The following RYR3 variants were observed in gnomAD, a reference collection of about 807,000 sequenced individuals.
RYR3 encodes brain ryanodine receptor-calcium release channel.
In RYR3, 207 loss-of-function variants were observed where a neutral mutation model predicts 584.3. That is an observed-to-expected ratio of 0.35 (90% CI 0.32 to 0.40). The LOEUF (loss-of-function observed/expected upper bound fraction) is 0.40, where lower values mean the gene tolerates loss of function less well. RYR3 is among the 10% of genes least tolerant of loss of function. The probability of loss-of-function intolerance (pLI) is 1.00; values close to 1 mark genes in which losing one functional copy is unlikely to be tolerated. For synonymous variants in RYR3, 2,416 were observed against 2,248.5 expected, an observed-to-expected ratio of 1.07 and a Z score of -2.11; for missense variants, 5,616 against 6,089.2, an observed-to-expected ratio of 0.92 and a Z score of 2.59.
At chr15:33,585,967 T>C (rs748500402) in intron 15 of RYR3, 31 bp from the exon 16 acceptor site, 1 of 1,387,400 alleles carries the variant, frequency 7.2e-7, no homozygotes, top group Admixed American at 1.7e-5. Context: ...GCATTTAATG[T>C]CCAAATTTGA....
chr15:33,438,572 T>G (rs2045934698), intron 1 of RYR3, among the ~76,000 whole-genome samples: 1 of 152,198 alleles, frequency 6.6e-6, no homozygotes, highest in African/African-American at 2.4e-5. Context: ...ATCTCCCATA[T>G]AAGTTTTAGG....
At chr15:33,811,144 C>A in intron 72 of RYR3, 107 bp downstream of exon 72, 1 of 941,984 alleles carries the variant, frequency 1.1e-6, no homozygotes, top group Non-Finnish European at 1.7e-6. Flanking sequence ...GTTCCAAAAA[C>A]AGTTTGGGGG....
chr15:33,723,688 G>T (rs986688374), intron 44 of RYR3, among the ~76,000 whole-genome samples: 39 of 152,306 alleles, frequency 2.6e-4, no homozygotes, highest in Admixed American at 2.5e-3. Flanking sequence ...AGGTCATATA[G>T]CTTATTAGCA....
intron 85 of RYR3, among the ~76,000 whole-genome samples, chr15:33,828,552 A>G (rs2077494526): frequency 6.6e-6 from 1 of 152,206 alleles, no homozygotes; most frequent in Non-Finnish European, 1.5e-5. Context: ...CTCATTACTG[A>G]AATGGGGACA....
chr15:33,363,235 G>C (rs1158126584), intron 1 of RYR3, among the ~76,000 whole-genome samples: 2 of 152,242 alleles, frequency 1.3e-5, no homozygotes, highest in African/African-American at 2.4e-5. Context: ...GGCTCACTTA[G>C]CTGGTGTAAC....
chr15:33,802,113 G>C (rs757328910), intron 69 of RYR3, 152 bp downstream of exon 69: 1 of 767,098 alleles, frequency 1.3e-6, no homozygotes. Flanking sequence ...TTGAGAACGA[G>C]CCAGAAGAAA....
intron 88 of RYR3, 21 bp from the exon 89 acceptor site, chr15:33,837,610 C>G (rs776244380): frequency 2.4e-5 from 37 of 1,543,106 alleles, no homozygotes; most frequent in Non-Finnish European, 3.0e-5. Flanking sequence ...ATTTGTATGT[C>G]TTTTTGAACC....
chr15:33,464,150 A>G (rs1183641286), intron 1 of RYR3, among the ~76,000 whole-genome samples: 2 of 152,030 alleles, frequency 1.3e-5, no homozygotes, highest in Non-Finnish European at 2.9e-5. Context: ...CTGTATTGTT[A>G]GGAGGTAAAT....
At chr15:33,422,573 G>T (rs1567205379) in intron 1 of RYR3, among the ~76,000 whole-genome samples, 1 of 152,064 alleles carries the variant, frequency 6.6e-6, no homozygotes, top group Admixed American at 6.6e-5. Flanking sequence ...GATTCATTAG[G>T]CTAGATGATA....
chr15:33,331,039 T>C (rs1316487490), intron 1 of RYR3, among the ~76,000 whole-genome samples: 2 of 152,096 alleles, frequency 1.3e-5, no homozygotes, highest in African/African-American at 4.8e-5. Context: ...ACTTTGTTTG[T>C]TTGTTTGGTT....
intron 10 of RYR3, among the ~76,000 whole-genome samples, chr15:33,558,702 G>GC (rs1450186417): frequency 6.6e-6 from 1 of 152,140 alleles, no homozygotes; most frequent in Admixed American, 6.5e-5. Context: ...TTTCAATCTG[G>GC]CAGGGGGCAG....
At chr15:33,459,299 T>G (rs1201609224) in intron 1 of RYR3, among the ~76,000 whole-genome samples, 2 of 152,188 alleles carry the variant, frequency 1.3e-5, no homozygotes, top group East Asian at 3.9e-4. Flanking sequence ...TAAAAATGAG[T>G]TATATCCCTT....
In RYR3 at chr15:33,738,502, G is replaced by T; in HGVS notation, c.7568G>T (p.Gly2523Val). The change falls in exon 50 of 104, where the codon GGA (glycine) becomes GTA (valine). Residue 2523 changes from glycine (G) to valine (V), a missense_variant. Gly to Val is a moderately radical substitution (Grantham distance 109, BLOSUM62 -3). Transcript: ENST00000634891. ...QCWKYYCLPS[G>V]WGSYGLAVEE... is the part of the protein sequence containing the mutation. The stretch of plus-strand genomic sequence containing the variant: ...TGGAAGTATTACTGCCTGCCTTCAG[G>T]ATGGGGGAGCTACGGGCTAGCTGTG... 6.2e-7 allele frequency: 1 copy of T among 1,613,998 alleles called. No individual in the cohort carries two copies.
At chr15:33,526,173 G>A (rs1246482452) in intron 3 of RYR3, among the ~76,000 whole-genome samples, 6 of 152,172 alleles carry the variant, frequency 3.9e-5, no homozygotes, top group Admixed American at 1.3e-4. Flanking sequence ...CTTAGTTGCC[G>A]TATCTGGTTT....
At chr15:33,326,587 G>A (rs1023296739) in intron 1 of RYR3, among the ~76,000 whole-genome samples, 1 of 152,192 alleles carries the variant, frequency 6.6e-6, no homozygotes, top group Non-Finnish European at 1.5e-5. Flanking sequence ...TTGATAGGTT[G>A]CAAATGGAGT....
chr15:33,562,708 G>A (rs2057474667), intron 10 of RYR3, 129 bp from the exon 11 acceptor site: 3 of 643,088 alleles, frequency 4.7e-6, no homozygotes, highest in East Asian at 5.7e-5. Context: ...GGCTTGGACA[G>A]GCACATCATG....
chr15:33,358,692 A>G (rs1037387872), intron 1 of RYR3, among the ~76,000 whole-genome samples: 1 of 151,684 alleles, frequency 6.6e-6, no homozygotes, highest in Non-Finnish European at 1.5e-5. Context: ...TTTAAACTTA[A>G]TTTTAATACT....
intron 92 of RYR3, 103 bp downstream of exon 92, chr15:33,843,677 A>G: frequency 1.2e-6 from 1 of 820,534 alleles, no homozygotes; most frequent in Non-Finnish European, 1.9e-6. Context: ...ATTGTAGCAA[A>G]CATTCTAATA....
chr15:33,395,289 A>G (rs2042231994), intron 1 of RYR3, among the ~76,000 whole-genome samples: 1 of 152,250 alleles, frequency 6.6e-6, no homozygotes, highest in South Asian at 2.1e-4. Context: ...CAGTAGCCTG[A>G]TTATGGGAAG....
Sources: allele counts gnomAD v4.1 joint callset (sites outside exome capture counted in the v4.1 genomes callset), GRCh38; gene constraint gnomAD v4.1.1; transcripts MANE v1.5; gene names NCBI Gene and HGNC (gene_info 2026-07-23, HGNC 2026-07-21).